ANKRD33B: variants seen among roughly 807,000 people sequenced by gnomAD.
ANKRD33B encodes ankyrin repeat domain 33B.
A neutral mutation model predicts 21.5 loss-of-function variants in ANKRD33B; 6 were observed. The ratio of observed to expected loss-of-function variants is 0.28; its 90% confidence interval spans 0.15 to 0.55. The LOEUF is 0.55. Ranked by LOEUF, ANKRD33B falls within the 20% of genes least tolerant of loss-of-function variation. ANKRD33B has a pLI of 0.94. For missense variants in ANKRD33B, 698 were observed against 747.2 expected, an observed-to-expected ratio of 0.93 and a Z score of 0.77; for synonymous variants, 347 against 342.4, an observed-to-expected ratio of 1.01 and a Z score of -0.15.
rs747646180 is a variant in ANKRD33B at position 10,649,651 on chromosome 5, G to A, written c.1023G>A (p.Ala341=). The change falls in exon 4 of 4, where the codon GCG becomes GCA. Residue 341 remains alanine (A), a synonymous_variant. Transcript: ENST00000296657. ...SPPSVGKRRL[A]VQEILAARAA... Reference sequence around the variant, plus strand: ...CGAGCGTGGGGAAGAGGCGGCTGGCGGTGCAGGAGATCCTGGCGGCGCGGG... The same window carrying A: ...CGAGCGTGGGGAAGAGGCGGCTGGCAGTGCAGGAGATCCTGGCGGCGCGGG... 9.8e-6 allele frequency: 15 copies of A among 1,530,494 alleles called. No individual in the cohort carries two copies. The highest frequency in any genetic ancestry group is 8.2e-5 in the African/African-American group (6 of 72,810). 94.8% of individuals were successfully genotyped at this position (1,530,494 alleles called of 1,614,324 possible).
intron 1 of ANKRD33B, among the ~76,000 whole-genome samples, chr5:10,609,381 C>G (rs1736116942): frequency 6.6e-6 from 1 of 151,748 alleles, no homozygotes. Flanking sequence ...GGCAAAACAC[C>G]ATCTCTACAA....
intron 2 of ANKRD33B, among the ~76,000 whole-genome samples, chr5:10,635,895 G>A (rs1300517592): frequency 3.3e-5 from 5 of 152,214 alleles, no homozygotes; most frequent in Admixed American, 6.5e-5. Context: ...GGCCAAGGGC[G>A]CCCAGCCCTG....
intron 1 of ANKRD33B, among the ~76,000 whole-genome samples, chr5:10,602,117 CTG>C (rs55829240): frequency 0.36 from 54,463 of 152,118 alleles, 11,270 homozygotes; most frequent in East Asian, 0.6. Flanking sequence ...AAGCTGAGCT[CTG>C]TGTCCTGTGT....
At chr5:10,598,934 T>C (rs561075926) in intron 1 of ANKRD33B, among the ~76,000 whole-genome samples, 1 of 152,290 alleles carries the variant, frequency 6.6e-6, no homozygotes, top group Admixed American at 6.5e-5. Flanking sequence ...TGACATATGA[T>C]AAAGTACAGA....
At chr5:10,642,904 C>T (rs56687314) in intron 3 of ANKRD33B, among the ~76,000 whole-genome samples, 63,706 of 151,706 alleles carry the variant, frequency 0.42, 13,633 homozygotes, top group Middle Eastern at 0.56. Context: ...GTTTGTTTTG[C>T]TTTGTTTTGT....
At chr5:10,644,019 A>AAG (rs1391827391) in intron 3 of ANKRD33B, among the ~76,000 whole-genome samples, 43 of 150,872 alleles carry the variant, frequency 2.9e-4, no homozygotes, top group Middle Eastern at 3.4e-3. Context: ...AAAAAAAAAA[A>AAG]AAGTGTTGAA....
At chr5:10,603,061 G>A (rs753267420) in intron 1 of ANKRD33B, among the ~76,000 whole-genome samples, 9 of 151,834 alleles carry the variant, frequency 5.9e-5, no homozygotes, top group Non-Finnish European at 5.9e-5. Context: ...CCATCCTCCC[G>A]TCTCAGCCTC....
chr5:10,636,016 T>A (rs566562304), intron 2 of ANKRD33B, among the ~76,000 whole-genome samples: 1 of 152,312 alleles, frequency 6.6e-6, no homozygotes, highest in South Asian at 2.1e-4. Context: ...ACCTCAGGTC[T>A]CATGCCTGCC....
At chr5:10,565,146 C>CT (rs1402335399) in intron 1 of ANKRD33B, among the ~76,000 whole-genome samples, 3 of 152,368 alleles carry the variant, frequency 2.0e-5, no homozygotes, top group African/African-American at 7.2e-5. Context: ...TTCGCGCTGG[C>CT]TGCCCGTGCT....
intron 1 of ANKRD33B, among the ~76,000 whole-genome samples, chr5:10,567,916 C>T (rs985625117): frequency 3.9e-5 from 6 of 152,178 alleles, no homozygotes; most frequent in Non-Finnish European, 8.8e-5. Flanking sequence ...CTCACAGATA[C>T]AGCCCACAGC....
At chr5:10,606,953 A>G (rs1736058559) in intron 1 of ANKRD33B, among the ~76,000 whole-genome samples, 1 of 150,946 alleles carries the variant, frequency 6.6e-6, no homozygotes, top group African/African-American at 2.4e-5. Context: ...CTGGTCTTGA[A>G]CTCCTGACCT....
chr5:10,646,262 G>A (rs1297859398), intron 3 of ANKRD33B, among the ~76,000 whole-genome samples: 1 of 152,218 alleles, frequency 6.6e-6, no homozygotes, highest in African/African-American at 2.4e-5. Flanking sequence ...ATGCTGGGGG[G>A]TCTGCTGGCG....
intron 2 of ANKRD33B, among the ~76,000 whole-genome samples, chr5:10,618,803 G>A (rs925726982): frequency 2.6e-5 from 4 of 152,190 alleles, no homozygotes; most frequent in African/African-American, 9.7e-5. Context: ...CCCACCAGTG[G>A]AAGAGACACA....
chr5:10,602,380 C>T (rs1462426312), intron 1 of ANKRD33B, among the ~76,000 whole-genome samples: 2 of 152,232 alleles, frequency 1.3e-5, no homozygotes, highest in South Asian at 2.1e-4. Flanking sequence ...GTCAAACCTG[C>T]GCCTGGCAGA....
rs532679844 is a variant in ANKRD33B at position 10,618,671 on chromosome 5, C to T, written c.496+209C>T. Among the ~76,000 whole-genome samples the T allele has an allele frequency of 7.2e-5, 11 of 152,294 alleles. No individual in the cohort carries two copies. The East Asian group carries it at 1.3e-3, about 19-fold the overall frequency. On this transcript the variant is annotated intron_variant, in intron 2 of 3. Transcript: ENST00000296657. ...AATTCAGTATGGGCAGATCAAGCTCCGATACTGCCCAAAGTTTTTGAATAT... is the reference window on the plus strand; with the variant it reads ...AATTCAGTATGGGCAGATCAAGCTCTGATACTGCCCAAAGTTTTTGAATAT...
chr5:10,610,934 C>A (rs1399654922), intron 1 of ANKRD33B, among the ~76,000 whole-genome samples: 1 of 152,092 alleles, frequency 6.6e-6, no homozygotes, highest in Non-Finnish European at 1.5e-5. Context: ...ATCCCAGCTA[C>A]CTGGGAGGCC....
intron 2 of ANKRD33B, among the ~76,000 whole-genome samples, chr5:10,632,413 G>T (rs1371872219): frequency 6.6e-6 from 1 of 152,170 alleles, no homozygotes; most frequent in African/African-American, 2.4e-5. Context: ...GGTGGCGTGG[G>T]TGTCCACCTC....
chr5:10,610,072 G>A (rs1736132074), intron 1 of ANKRD33B, among the ~76,000 whole-genome samples: 1 of 152,234 alleles, frequency 6.6e-6, no homozygotes. Flanking sequence ...TGGCAATCAG[G>A]AATGCGAAGT....
rs568519323 is a variant in ANKRD33B, at chr5:10,657,721, T to C, written c.*7608T>C. On this transcript the variant is annotated 3_prime_UTR_variant, in exon 4 of 4. Coordinates refer to ENST00000296657, the MANE Select transcript of ANKRD33B (RefSeq NM_001164440.2). ...TTTTCCCTTTTAACTTCTAACAAATTATGTATCTAATGTTTAAAAAATATG... is the reference window on the plus strand; with the variant it reads ...TTTTCCCTTTTAACTTCTAACAAATCATGTATCTAATGTTTAAAAAATATG... 1 of 152,482 alleles carries C rather than the reference T, an allele frequency of 6.6e-6. No homozygotes were observed. Among genetic ancestry groups the C allele is most frequent in the African/African-American group, 2.4e-5 (1 of 41,578 alleles). 9.4% of individuals were successfully genotyped at this position (152,482 alleles called of 1,614,324 possible).
Sources: allele counts gnomAD v4.1 joint callset (sites outside exome capture counted in the v4.1 genomes callset), GRCh38; gene constraint gnomAD v4.1.1; transcripts MANE v1.5; gene names NCBI Gene and HGNC (gene_info 2026-07-23, HGNC 2026-07-21).